The following CACNA1C variants were observed in gnomAD, a reference collection of about 807,000 sequenced individuals.
CACNA1C encodes the protein calcium voltage-gated channel subunit alpha1 C, also known as voltage-dependent L-type calcium channel subunit alpha-1C.
CACNA1C carries 30 observed loss-of-function variants against 229.0 expected under a neutral mutation model. The ratio of observed to expected loss-of-function variants is 0.13; its 90% CI spans 0.10 to 0.18. The LOEUF (loss-of-function observed/expected upper bound fraction) is 0.18, where lower values mean the gene tolerates loss of function less well. CACNA1C is among the 10% of genes least tolerant of loss of function. The probability of loss-of-function intolerance (pLI) is 1.00; values close to 1 mark genes in which losing one functional copy is unlikely to be tolerated. For missense variants in CACNA1C, 1,658 were observed against 2,845.0 expected, an observed-to-expected ratio of 0.58 and a Z score of 9.49; for synonymous variants, 1,114 against 1,132.5, an observed-to-expected ratio of 0.98 and a Z score of 0.33.
At chr12:2,298,473 A>G (rs1022021975) in intron 3 of CACNA1C, among the ~76,000 whole-genome samples, 1 of 152,166 alleles carries the variant, frequency 6.6e-6, no homozygotes, top group South Asian at 2.1e-4. Flanking sequence ...TAATTTTTGT[A>G]TTTTTAGTAG....
Position 2,181,139 on chromosome 12 carries a change from T to G in CACNA1C, c.477+60709T>G, listed in dbSNP as rs974245011. Among the ~76,000 whole-genome samples, 2 of 152,200 alleles carry G rather than the reference T, an allele frequency of 1.3e-5. No individual in the cohort carries two copies. Among genetic ancestry groups the G allele is most frequent in the Non-Finnish European group, 2.9e-5 (2 of 68,034 alleles). On this transcript the variant is annotated intron_variant, in intron 3 of 46. Coordinates refer to ENST00000399655, the MANE Select transcript of CACNA1C (RefSeq NM_000719.7). This position sits in a 1 kb window ranked among gnomAD's most constrained non-coding sequence, Gnocchi z 4.0. ...CCCCTGTGTAAAGCATGTAGCATAG[T>G]GCCTGTGGACAGGAGAGCCCAGTCC...
chr12:2,149,216 A>C (rs181002835), intron 3 of CACNA1C, among the ~76,000 whole-genome samples: 1 of 152,122 alleles, frequency 6.6e-6, no homozygotes. Flanking sequence ...GGGGTTTTGC[A>C]TTTTGTTCTT....
chr12:2,098,771 C>T (rs938932165), intron 1 of CACNA1C, among the ~76,000 whole-genome samples: 1 of 152,226 alleles, frequency 6.6e-6, no homozygotes, highest in Non-Finnish European at 1.5e-5. Context: ...TGAGGTTCTT[C>T]TTGCGTGCCC....
chr12:2,362,607 G>A (rs1174458691), intron 3 of CACNA1C, among the ~76,000 whole-genome samples: 3 of 152,198 alleles, frequency 2.0e-5, no homozygotes, highest in Non-Finnish European at 4.4e-5. Flanking sequence ...CCTCCTGAAA[G>A]CAGAGCCCCG....
intron 3 of CACNA1C, among the ~76,000 whole-genome samples, chr12:2,362,937 G>A (rs2097598265): frequency 6.6e-6 from 1 of 152,184 alleles, no homozygotes; most frequent in Admixed American, 6.5e-5. Flanking sequence ...CTCACCCTAA[G>A]GAAATCTCTA....
intron 13 of CACNA1C, among the ~76,000 whole-genome samples, chr12:2,571,036 A>G (rs1455767713): frequency 2.0e-5 from 3 of 152,246 alleles, no homozygotes; most frequent in Non-Finnish European, 4.4e-5. Context: ...ACTCTGTGCC[A>G]GATAGGGTGA....
At chr12:2,120,208 A>G (rs1485911103) in intron 2 of CACNA1C, 117 bp from the exon 3 acceptor site, 6 of 717,536 alleles carry the variant, frequency 8.4e-6, no homozygotes, top group Non-Finnish European at 1.5e-5. Flanking sequence ...AGGGGCTTGG[A>G]ATGCATTGTT....
chr12:2,054,795 C>G lies in CACNA1C; in HGVS notation c.49+1184C>G, dbSNP rs751736148. Among the ~76,000 whole-genome samples, 14 of 152,216 alleles carry G rather than the reference C, an allele frequency of 9.2e-5. No individual in the cohort carries two copies. The highest frequency in any genetic ancestry group is 1.9e-4 in the Non-Finnish European group (13 of 68,042). Reference sequence around the variant, plus strand: ...TTTGCACTCTTCCTCTTCTCTTCCCCTGAAAGCCTATCTGTCACTGCTGGT... The same window carrying G: ...TTTGCACTCTTCCTCTTCTCTTCCCGTGAAAGCCTATCTGTCACTGCTGGT... On this transcript the variant is annotated intron_variant, in intron 1 of 46. Transcript: ENST00000399655. This position sits in a 1 kb window ranked among gnomAD's most constrained non-coding sequence, Gnocchi z 5.5.
At chr12:2,551,845 G>C (rs1189735475) in intron 10 of CACNA1C, among the ~76,000 whole-genome samples, 1 of 152,110 alleles carries the variant, frequency 6.6e-6, no homozygotes, top group Non-Finnish European at 1.5e-5. Context: ...AGTCAGGGAA[G>C]AGGATAATGA....
rs1356262977 is a variant in CACNA1C at position 2,486,355 on chromosome 12, A to C, written c.916+93A>C. The stretch of plus-strand genomic sequence containing the variant: ...CTGGCTACACCAACATGACCAGCAG[A>C]GCCCAGGGAAGGCCCCATTCATTCA... On this transcript the variant is annotated intron_variant, in intron 6 of 46. Coordinates refer to ENST00000399655, the MANE Select transcript of CACNA1C (RefSeq NM_000719.7). The surrounding 1 kb of genome is among the most constrained non-coding windows in gnomAD (Gnocchi z 4.9). 17 of 1,010,876 alleles carry C rather than the reference A, an allele frequency of 1.7e-5. No individual in the cohort carries two copies. The East Asian group carries it at 4.0e-4, about 24-fold the overall frequency. 62.6% of individuals were successfully genotyped at this position (1,010,876 alleles called of 1,614,324 possible).
intron 1 of CACNA1C, among the ~76,000 whole-genome samples, chr12:1,999,015 C>G (rs1249308731): frequency 2.6e-5 from 4 of 152,254 alleles, no homozygotes; most frequent in Admixed American, 2.6e-4. Context: ...CATGCTCAGG[C>G]AATTTCAGCA....
At position 2,343,851 on chromosome 12, in the gene CACNA1C, A is replaced by G. The variant is rs1165915731; in HGVS notation, c.478-105125A>G. The stretch of plus-strand genomic sequence containing the variant: ...TGGCAGACCGGAGAGGCCAAGGCTC[A>G]GAGACACATGCACACACCAAATAAG... On this transcript the variant is annotated intron_variant, in intron 3 of 46. Coordinates refer to ENST00000399655, the MANE Select transcript of CACNA1C (RefSeq NM_000719.7). 7.9e-5 allele frequency among the ~76,000 whole-genome samples: 12 copies of G among 152,250 alleles called. No individual in the cohort carries two copies. In the South Asian group the frequency reaches 2.3e-3, roughly 29 times the overall value.
chr12:2,256,869 G>A (rs2078104578), intron 3 of CACNA1C, among the ~76,000 whole-genome samples: 1 of 152,206 alleles, frequency 6.6e-6, no homozygotes, highest in Non-Finnish European at 1.5e-5. Flanking sequence ...AAACCAGCAT[G>A]CTACCTTTTA....
chr12:2,113,814 C>T lies in CACNA1C; in HGVS notation c.50-1410C>T, dbSNP rs529515423. 4.6e-5 allele frequency among the ~76,000 whole-genome samples: 7 copies of T among 152,364 alleles called. No individual in the cohort carries two copies. The South Asian group carries it at 1.4e-3, about 32-fold the overall frequency. Reference sequence around the variant, plus strand: ...CTTACAGACTCTAGAGCGAGGCATCCAGCCTAACAGGCCAAAGAGTGTTTG... The same window carrying T: ...CTTACAGACTCTAGAGCGAGGCATCTAGCCTAACAGGCCAAAGAGTGTTTG... On this transcript the variant is annotated intron_variant, in intron 1 of 46. Coordinates refer to ENST00000399655, the MANE Select transcript of CACNA1C (RefSeq NM_000719.7).
intron 10 of CACNA1C, 117 bp downstream of exon 10, chr12:2,550,150 G>A (rs1024279462): frequency 1.0e-4 from 81 of 783,396 alleles, no homozygotes; most frequent in Middle Eastern, 2.6e-4. Flanking sequence ...GATTAGAGCC[G>A]GTGGCAAGAA....
In CACNA1C at chr12:2,380,030, CA is replaced by C. The variant is rs1172016514; in HGVS notation, c.478-68932del. Reference sequence around the variant, plus strand: ...TGGGCGACAGAGCGAGACTCCGTCTCAAAAAAAAAAAAAAGACATAATATTA... The same window carrying C: ...TGGGCGACAGAGCGAGACTCCGTCTCAAAAAAAAAAAAAGACATAATATTA... On this transcript the variant is annotated intron_variant, in intron 3 of 46. Coordinates refer to ENST00000399655, the MANE Select transcript of CACNA1C (RefSeq NM_000719.7). Among the ~76,000 whole-genome samples, 573 of 80,056 alleles carry C rather than the reference CA, an allele frequency of 7.2e-3. 37 individuals are homozygous for C. Among genetic ancestry groups the C allele is most frequent in the African/African-American group, 0.019 (397 of 20,894 alleles). The allele number at this position is 80,056 out of a possible 152,430, so 52.5% of individuals were successfully genotyped here.
chr12:2,383,571 A>C (rs2098307903), intron 3 of CACNA1C, among the ~76,000 whole-genome samples: 1 of 152,204 alleles, frequency 6.6e-6, no homozygotes, highest in Non-Finnish European at 1.5e-5. Flanking sequence ...GAGACAGCAG[A>C]GTAAGTAGGG....
chr12:2,141,981 T>C (rs2094258064), intron 3 of CACNA1C, among the ~76,000 whole-genome samples: 1 of 151,100 alleles, frequency 6.6e-6, no homozygotes, highest in South Asian at 2.1e-4. Context: ...TCCTCTCCTT[T>C]CCAGCATTCC....
chr12:2,684,038 A>C (rs4765972), intron 43 of CACNA1C, among the ~76,000 whole-genome samples: 8,959 of 152,236 alleles, frequency 0.059, 368 homozygotes, highest in Admixed American at 0.12. Flanking sequence ...AAGACAGGAA[A>C]GGTGTGGCTG....
Sources: allele counts gnomAD v4.1 joint callset (sites outside exome capture counted in the v4.1 genomes callset), GRCh38; gene constraint gnomAD v4.1.1; non-coding constraint Gnocchi (gnomAD v3.1); transcripts MANE v1.5; gene names NCBI Gene and HGNC (gene_info 2026-07-23, HGNC 2026-07-21).